Variants in LRRC37A2 observed in about 807,000 individuals in gnomAD.
The protein encoded by LRRC37A2 is leucine-rich repeat-containing protein 37A2.
LRRC37A2 carries 9 observed loss-of-function variants against 68.8 expected under a neutral mutation model. The observed-to-expected ratio is 0.13, with a 90% CI of 0.08 to 0.23. The LOEUF is 0.23. Ranked by LOEUF, LRRC37A2 falls within the 10% of genes least tolerant of loss-of-function variation. The pLI is 1.00. For synonymous variants in LRRC37A2, 63 were observed against 367.6 expected (o/e 0.17, Z 9.48); for missense variants, 168 against 950.4 (o/e 0.18, Z 10.82).
the LRRC37A2 span, among the ~76,000 whole-genome samples, chr17:46,784,428 A>G: frequency 6.6e-6 from 1 of 152,030 alleles, no homozygotes; most frequent in South Asian, 2.1e-4. Context: ...TAAAAGTTGA[A>G]TTATACTTTA....
the LRRC37A2 span, among the ~76,000 whole-genome samples, chr17:46,875,672 T>A: frequency 6.6e-6 from 1 of 151,836 alleles, no homozygotes; most frequent in African/African-American, 2.4e-5. Context: ...TGGAGAGGGG[T>A]CTCCATTCCA....
At chr17:46,838,318 G>A in the LRRC37A2 span, among the ~76,000 whole-genome samples, 2 of 145,250 alleles carry the variant, frequency 1.4e-5, no homozygotes, top group African/African-American at 2.7e-5. Flanking sequence ...AACGGGGCCT[G>A]CCTTAAAAAA....
the LRRC37A2 span, chr17:46,978,466 CG>C: frequency 1.6e-6 from 1 of 642,428 alleles, no homozygotes; most frequent in Non-Finnish European, 2.6e-6. Context: ...AGGACAGAGC[CG>C]GGCGTCCAAG....
chr17:46,929,772 A>C, the LRRC37A2 span: 1 of 587,432 alleles, frequency 1.7e-6, no homozygotes, highest in South Asian at 1.9e-5. Flanking sequence ...TTGGAATCCC[A>C]CAAGTCTTAT....
chr17:46,780,941 A>G, the LRRC37A2 span, among the ~76,000 whole-genome samples: 1 of 152,248 alleles, frequency 6.6e-6, no homozygotes, highest in African/African-American at 2.4e-5. Flanking sequence ...CTATTCAGCC[A>G]GAAAAAGGAA....
the LRRC37A2 span, among the ~76,000 whole-genome samples, chr17:47,014,925 G>C: frequency 1.5e-4 from 23 of 151,908 alleles, no homozygotes; most frequent in East Asian, 2.3e-3. Context: ...ATGAAGTTTG[G>C]GTCAACAGTA....
chr17:46,868,930 G>A, the LRRC37A2 span, among the ~76,000 whole-genome samples: 1 of 152,238 alleles, frequency 6.6e-6, no homozygotes, highest in African/African-American at 2.4e-5. Context: ...ATAATTCACT[G>A]TTGAGGAAAA....
the LRRC37A2 span, among the ~76,000 whole-genome samples, chr17:46,904,941 A>G: frequency 6.6e-6 from 1 of 152,062 alleles, no homozygotes; most frequent in Admixed American, 6.6e-5. Flanking sequence ...CCAACACACA[A>G]AGCAGGAGTT....
chr17:46,946,590 T>C, the LRRC37A2 span, among the ~76,000 whole-genome samples: 1 of 150,746 alleles, frequency 6.6e-6, no homozygotes, highest in Non-Finnish European at 1.5e-5. Flanking sequence ...AGGCCAGGCA[T>C]GGTGGCTCCC....
chr17:46,831,723 G>A, the LRRC37A2 span, among the ~76,000 whole-genome samples: 1 of 152,250 alleles, frequency 6.6e-6, no homozygotes, highest in East Asian at 1.9e-4. Flanking sequence ...CAGAGGAGGG[G>A]ACTGGGAAAC....
chr17:46,717,539 C>T, the LRRC37A2 span, among the ~76,000 whole-genome samples: 159 of 152,030 alleles, frequency 1.0e-3, 2 homozygotes, highest in Middle Eastern at 0.024. Context: ...GGTGAAACCC[C>T]GTCTCTACTA....
chr17:46,882,134 C>A, the LRRC37A2 span, among the ~76,000 whole-genome samples: 2 of 152,054 alleles, frequency 1.3e-5, no homozygotes, highest in Non-Finnish European at 2.9e-5. Context: ...CCAGCCTGAG[C>A]GACAGAGTGA....
chr17:46,543,583 G>T (rs1025691708), intron 8 of LRRC37A2, among the ~76,000 whole-genome samples: 2 of 150,772 alleles, frequency 1.3e-5, no homozygotes, highest in African/African-American at 5.0e-5. Context: ...TGGTTCTTAG[G>T]GGCTGCACAC....
chr17:46,499,425 A>C, the LRRC37A2 span, among the ~76,000 whole-genome samples: 1 of 150,282 alleles, frequency 6.7e-6, no homozygotes, highest in Non-Finnish European at 1.5e-5. Flanking sequence ...AAAACGCAGG[A>C]GTCAACTCTG....
the LRRC37A2 span, among the ~76,000 whole-genome samples, chr17:46,463,881 C>A: frequency 7.3e-4 from 69 of 94,008 alleles, 17 homozygotes; most frequent in East Asian, 2.7e-3. Context: ...AAAAAAAAAA[C>A]CTAGTAAGCT....
chr17:46,478,594 C>A, the LRRC37A2 span, among the ~76,000 whole-genome samples: 1 of 109,648 alleles, frequency 9.1e-6, no homozygotes, highest in Non-Finnish European at 2.1e-5. Flanking sequence ...GCATGCTAGA[C>A]CCTGTGCTAG....
At chr17:46,791,206 C>G in the LRRC37A2 span, among the ~76,000 whole-genome samples, 6 of 151,916 alleles carry the variant, frequency 3.9e-5, no homozygotes, top group African/African-American at 1.5e-4. Context: ...CAGGACTTCG[C>G]TTTCCTTACT....
At chr17:46,927,029 G>A in the LRRC37A2 span, among the ~76,000 whole-genome samples, 1 of 152,194 alleles carries the variant, frequency 6.6e-6, no homozygotes, top group East Asian at 1.9e-4. Flanking sequence ...CTGGGTATGA[G>A]AGTTCTAGTT....
At chr17:46,969,881 T>A in the LRRC37A2 span, among the ~76,000 whole-genome samples, 1 of 152,154 alleles carries the variant, frequency 6.6e-6, no homozygotes, top group African/African-American at 2.4e-5. Context: ...CCCTCTCTGG[T>A]GCCCACTTTC....
Sources: gnomAD v4.1 joint callset for allele counts (sites outside exome capture counted in the v4.1 genomes callset) on GRCh38, gnomAD v4.1.1 for gene constraint, MANE v1.5 for transcripts, NCBI Gene and HGNC (gene_info 2026-07-23, HGNC 2026-07-21) for gene names.